Variants in TENM4 observed in about 807,000 individuals in gnomAD.
The protein encoded by TENM4 is teneurin transmembrane protein 4.
In TENM4, 82 loss-of-function variants were observed where a neutral mutation model predicts 243.3. That is an observed-to-expected ratio of 0.34 (90% CI 0.28 to 0.40). The LOEUF (loss-of-function observed/expected upper bound fraction) is 0.40, where lower values mean the gene tolerates loss of function less well. TENM4 is among the 10% of genes least tolerant of loss of function. TENM4 has a pLI of 1.00. For synonymous variants in TENM4, 1,412 were observed against 1,456.3 expected, an observed-to-expected ratio of 0.97 and a Z score of 0.69; for missense variants, 3,138 against 3,673.3, an observed-to-expected ratio of 0.85 and a Z score of 3.77.
At chr11:79,013,525 G>A (rs537634043) in intron 6 of TENM4, among the ~76,000 whole-genome samples, 5 of 152,286 alleles carry the variant, frequency 3.3e-5, no homozygotes, top group African/African-American at 9.6e-5. Flanking sequence ...CAGGCCTGGC[G>A]CAGCCCAGCA....
rs536346101 is a variant in TENM4 at position 79,090,376 on chromosome 11, G to C, written c.-65-20367C>G. 7.9e-5 allele frequency among the ~76,000 whole-genome samples: 12 copies of C among 152,364 alleles called. No individual in the cohort carries two copies. In the South Asian group the frequency reaches 1.9e-3, roughly 24 times the overall value. ...CCTGAGGGCACAGATATTTGTCAGC[G>C]TGACTGATGCTTCCTGCTTAAATGC... is the stretch of plus-strand genomic sequence containing the variant. On this transcript the variant is annotated intron_variant, in intron 4 of 33. Transcript: ENST00000278550.
intron 4 of TENM4, among the ~76,000 whole-genome samples, chr11:79,080,975 TA>T (rs1198226519): frequency 6.6e-6 from 1 of 152,184 alleles, no homozygotes; most frequent in Admixed American, 6.5e-5. Flanking sequence ...CGTCCAATCT[TA>T]ACCTGTAATT....
At chr11:79,144,975 G>A (rs1273180602) in intron 4 of TENM4, among the ~76,000 whole-genome samples, 1 of 151,806 alleles carries the variant, frequency 6.6e-6, no homozygotes, top group Admixed American at 6.6e-5. Context: ...TTGAGGTGAT[G>A]GATACCCCAT....
chr11:79,269,569 C>T (rs890045326), intron 2 of TENM4: 11 of 152,396 alleles, frequency 7.2e-5, no homozygotes, highest in Admixed American at 3.3e-4. Context: ...GGTGGGGACT[C>T]GAGGCTGCAC....
intron 1 of TENM4, among the ~76,000 whole-genome samples, chr11:79,374,334 C>T (rs929519166): frequency 3.3e-5 from 5 of 151,928 alleles, no homozygotes; most frequent in Admixed American, 1.3e-4. Flanking sequence ...AGTCATTTGT[C>T]GCCTCAATCT....
chr11:78,780,920 C>A (rs1301673790), intron 16 of TENM4, among the ~76,000 whole-genome samples: 2 of 152,180 alleles, frequency 1.3e-5, no homozygotes, highest in Non-Finnish European at 2.9e-5. Context: ...AACTTCAAAT[C>A]CTGACTCCAC....
At chr11:79,022,307 G>A (rs1858950203) in intron 6 of TENM4, among the ~76,000 whole-genome samples, 1 of 152,166 alleles carries the variant, frequency 6.6e-6, no homozygotes, top group Non-Finnish European at 1.5e-5. Context: ...AAACCAAGGT[G>A]GGAATGTGAA....
intron 4 of TENM4, among the ~76,000 whole-genome samples, chr11:79,120,717 T>G (rs956217326): frequency 1.3e-5 from 2 of 152,234 alleles, no homozygotes; most frequent in African/African-American, 4.8e-5. Context: ...CTGGGAGATT[T>G]TGGACATGCT....
chr11:79,119,606 C>A (rs1861697834), intron 4 of TENM4, among the ~76,000 whole-genome samples: 1 of 152,216 alleles, frequency 6.6e-6, no homozygotes, highest in Non-Finnish European at 1.5e-5. Context: ...TCCTAACGCT[C>A]ATTAAGCAGT....
intron 15 of TENM4, among the ~76,000 whole-genome samples, chr11:78,789,004 T>C (rs1245073218): frequency 6.6e-6 from 1 of 152,164 alleles, no homozygotes; most frequent in Non-Finnish European, 1.5e-5. Context: ...GTTTCTTTCC[T>C]TCCCATTTTT....
intron 3 of TENM4, among the ~76,000 whole-genome samples, chr11:79,205,110 A>G (rs908988744): frequency 1.3e-5 from 2 of 152,178 alleles, no homozygotes; most frequent in African/African-American, 4.8e-5. Flanking sequence ...TGTACCTATT[A>G]TGTTTCTTTT....
rs537264122 is a variant in TENM4, at chr11:78,814,801, C to T, written c.1682-406G>A. ...GCTTTTCTCAGAATGGGCTGATATT[C>T]CATACTTTGTTTTGATATAAAGCTA... On this transcript the variant is annotated intron_variant, in intron 12 of 33. Coordinates refer to ENST00000278550, the MANE Select transcript of TENM4 (RefSeq NM_001098816.3). Among the ~76,000 whole-genome samples the T allele has an allele frequency of 2.0e-5, 3 of 152,280 alleles. No individual in the cohort carries two copies. The South Asian group carries it at 6.2e-4, about 32-fold the overall frequency.
chr11:78,853,132 G>A (rs1858583515), intron 12 of TENM4, among the ~76,000 whole-genome samples: 1 of 152,118 alleles, frequency 6.6e-6, no homozygotes, highest in Non-Finnish European at 1.5e-5. Context: ...GAGTTTTCAG[G>A]TGAACTCCAG....
intron 1 of TENM4, among the ~76,000 whole-genome samples, chr11:79,429,226 T>C (rs2135604683): frequency 6.6e-6 from 1 of 152,292 alleles, no homozygotes; most frequent in Middle Eastern, 3.4e-3. Context: ...TACAGGCAAC[T>C]TTATTTTCAG....
Position 79,176,410 on chromosome 11 carries a change from T to G in TENM4, c.-162-27604A>C, listed in dbSNP as rs139630266. On this transcript the variant is annotated intron_variant, in intron 3 of 33. Transcript: ENST00000278550. Reference sequence around the variant, plus strand: ...TTGCCTGAATCCTTAGCAATTCTTTTCAGATGTTCTATCTCCTGAACACTT... The same window carrying G: ...TTGCCTGAATCCTTAGCAATTCTTTGCAGATGTTCTATCTCCTGAACACTT... 4.6e-5 allele frequency among the ~76,000 whole-genome samples: 7 copies of G among 152,356 alleles called. No individual in the cohort carries two copies. The East Asian group carries it at 1.2e-3, about 25-fold the overall frequency.
intron 2 of TENM4, among the ~76,000 whole-genome samples, chr11:79,225,537 C>T (rs1370429388): frequency 6.6e-6 from 1 of 152,182 alleles, no homozygotes; most frequent in Non-Finnish European, 1.5e-5. Flanking sequence ...CCCACCTCAG[C>T]CTCCTGAGTA....
chr11:79,367,826 A>G (rs1048212315), intron 1 of TENM4, among the ~76,000 whole-genome samples: 2 of 152,236 alleles, frequency 1.3e-5, no homozygotes, highest in Non-Finnish European at 2.9e-5. Context: ...TGAAGGCTTC[A>G]AAAAGCAACA....
At chr11:78,932,441 G>A (rs76149543) in intron 6 of TENM4, among the ~76,000 whole-genome samples, 2 of 152,280 alleles carry the variant, frequency 1.3e-5, no homozygotes, top group East Asian at 1.9e-4. Flanking sequence ...GATGGGATTA[G>A]GGGGAGGCCA....
intron 6 of TENM4, chr11:78,903,831 C>T: frequency 1.5e-6 from 1 of 645,890 alleles, no homozygotes; most frequent in Non-Finnish European, 2.9e-6. Flanking sequence ...CACATTGTTT[C>T]ATGCTTTTAG....
Sources: gnomAD v4.1 joint callset for allele counts (sites outside exome capture counted in the v4.1 genomes callset) on GRCh38, gnomAD v4.1.1 for gene constraint, MANE v1.5 for transcripts, NCBI Gene and HGNC (gene_info 2026-07-23, HGNC 2026-07-21) for gene names.